Variants in PAG1 observed in about 807,000 individuals in gnomAD.
The protein encoded by PAG1 is phosphoprotein membrane anchor with glycosphingolipid microdomains 1, also known as phosphoprotein associated with glycosphingolipid-enriched microdomains 1.
Under a neutral mutation model 31.7 loss-of-function variants are expected in PAG1, and 23 were observed. The observed-to-expected ratio is 0.73, with a 90% CI of 0.52 to 1.03. The LOEUF (loss-of-function observed/expected upper bound fraction) is 1.03. PAG1 is among the 50% of genes least tolerant of loss of function. The pLI, the probability that PAG1 is intolerant of heterozygous loss-of-function variation, is 0.00. For synonymous variants in PAG1, 214 were observed against 210.3 expected (o/e 1.02, Z -0.15); for missense variants, 473 against 540.7 (o/e 0.87, Z 1.24).
chr8:80,993,144 G>T lies in PAG1; in HGVS notation c.84C>A (p.Phe28Leu). The change falls in exon 4 of 9, where the codon TTC (phenylalanine) becomes TTA (leucine). Residue 28 changes from phenylalanine to leucine, a missense_variant. By Grantham distance (22) the Phe-to-Leu change is conservative (BLOSUM62 0). Transcript: ENST00000220597. ...WGSLAAVAIFFVITFLIFLCS... is the reference protein window; with the variant it reads ...WGSLAAVAIFLVITFLIFLCS... Reference sequence around the variant, plus strand: ...ACAGGAAGATGAGGAAGGTGATGACGAAGAAAATGGCGACAGCAGCCAGAC... The same window carrying T: ...ACAGGAAGATGAGGAAGGTGATGACTAAGAAAATGGCGACAGCAGCCAGAC... 1 of 1,613,814 alleles carries T rather than the reference G, an allele frequency of 6.2e-7. No homozygotes were observed. The highest frequency in any genetic ancestry group is 1.1e-5 in the South Asian group (1 of 90,980).
In PAG1 at chr8:80,973,294, C is replaced by T. The variant is rs1020323322; in HGVS notation, c.*3250G>A. ...CTCAAATATTTTCTTTTCTATATAGCGTTTTGTTCTTGTGTAGTTATCTGC... is the reference window on the plus strand; with the variant it reads ...CTCAAATATTTTCTTTTCTATATAGTGTTTTGTTCTTGTGTAGTTATCTGC... On this transcript the variant is annotated 3_prime_UTR_variant, in exon 9 of 9. Coordinates refer to ENST00000220597, the MANE Select transcript of PAG1 (RefSeq NM_018440.4). The T allele has an allele frequency of 1.3e-5, 2 of 152,030 alleles. No individual in the cohort carries two copies. The highest frequency in any genetic ancestry group is 2.4e-5 in the African/African-American group (1 of 41,386). The allele number at this position is 152,030 out of a possible 1,614,324, so 9.4% of individuals were successfully genotyped here. A position where few individuals can be genotyped will look rare whatever the true frequency, so the allele number is the denominator to read the frequency against.
intron 3 of PAG1, among the ~76,000 whole-genome samples, chr8:81,014,305 A>T (rs1310204799): frequency 6.6e-6 from 1 of 152,206 alleles, no homozygotes; most frequent in African/African-American, 2.4e-5. Context: ...GTCTACAAAT[A>T]CTTATTACTA....
intron 2 of PAG1, among the ~76,000 whole-genome samples, chr8:81,061,614 A>T (rs909740603): frequency 6.6e-6 from 1 of 152,234 alleles, no homozygotes; most frequent in African/African-American, 2.4e-5. Context: ...CATATGGAAC[A>T]TCTAAAGAAT....
intron 2 of PAG1, among the ~76,000 whole-genome samples, chr8:81,043,418 GTCTT>G (rs1475563396): frequency 6.6e-6 from 1 of 152,134 alleles, no homozygotes; most frequent in African/African-American, 2.4e-5. Context: ...AATCGAAAGA[GTCTT>G]TCTTTCTTTG....
intron 4 of PAG1, 142 bp from the exon 5 acceptor site, chr8:80,991,672 TCAGA>T (rs1282739677): frequency 1.4e-6 from 1 of 704,316 alleles, no homozygotes; most frequent in Admixed American, 2.1e-5. Context: ...AAAGACAAAA[TCAGA>T]CAGTGATTTG....
At position 81,016,082 on chromosome 8, in the gene PAG1, A is replaced by ATCTAGCT. The variant is rs1233525039; in HGVS notation, c.-81+13913_-81+13914insAGCTAGA. 2.0e-5 allele frequency among the ~76,000 whole-genome samples: 3 copies of ATCTAGCT among 152,302 alleles called. No homozygotes were observed. The East Asian group carries it at 5.8e-4, about 29-fold the overall frequency. Reference sequence around the variant, plus strand: ...TTCCCCCAGTAGCCAGCCAATCCTCAGAAGCAGAGACATCTAGCTGACTGC... The same window carrying ATCTAGCT: ...TTCCCCCAGTAGCCAGCCAATCCTCATCTAGCTGAAGCAGAGACATCTAGCTGACTGC... On this transcript the variant is annotated intron_variant, in intron 3 of 8. Transcript: ENST00000220597.
intron 7 of PAG1, among the ~76,000 whole-genome samples, chr8:80,984,499 A>T (rs1044669520): frequency 1.3e-4 from 20 of 152,224 alleles, no homozygotes; most frequent in African/African-American, 4.8e-4. Flanking sequence ...GTGGACATCA[A>T]AATGAAGCAA....
chr8:81,012,906 T>TA (rs1808009216), intron 3 of PAG1, among the ~76,000 whole-genome samples: 3 of 152,182 alleles, frequency 2.0e-5, no homozygotes, highest in Non-Finnish European at 4.4e-5. Context: ...ATACCAGAAT[T>TA]TAAAAAATTT....
chr8:80,994,475 T>A (rs1169326755), intron 3 of PAG1, among the ~76,000 whole-genome samples: 1 of 152,200 alleles, frequency 6.6e-6, no homozygotes, highest in Non-Finnish European at 1.5e-5. Flanking sequence ...GTCACCACCC[T>A]GTGTAGGAGG....
intron 1 of PAG1, among the ~76,000 whole-genome samples, chr8:81,106,104 G>A (rs1327046866): frequency 6.6e-6 from 1 of 152,182 alleles, no homozygotes; most frequent in Non-Finnish European, 1.5e-5. Flanking sequence ...GTGCAGTGGT[G>A]TGATCTTCCT....
chr8:81,046,216 G>A (rs982505741), intron 2 of PAG1, among the ~76,000 whole-genome samples: 2 of 152,192 alleles, frequency 1.3e-5, no homozygotes, highest in Non-Finnish European at 2.9e-5. Flanking sequence ...TGACCTCTGT[G>A]CAAGGCAGTA....
intron 3 of PAG1, among the ~76,000 whole-genome samples, chr8:81,018,328 T>C (rs1399673602): frequency 6.6e-6 from 1 of 152,266 alleles, no homozygotes; most frequent in Non-Finnish European, 1.5e-5. Context: ...TGGATAGTAA[T>C]ACTTTATCAC....
intron 3 of PAG1, among the ~76,000 whole-genome samples, chr8:81,013,273 C>T (rs562461653): frequency 1.3e-5 from 2 of 152,322 alleles, no homozygotes; most frequent in South Asian, 4.1e-4. Flanking sequence ...TCATCCAAAA[C>T]CATGCCTTCA....
chr8:80,980,379 G>T lies in PAG1; in HGVS notation c.936+56C>A. ...AACATTACAGTGCATTTATTCAAGG[G>T]GGGAAGGTCTATTCTTTACTACAGT... On this transcript the variant is annotated intron_variant, in intron 8 of 8. Coordinates refer to ENST00000220597, the MANE Select transcript of PAG1 (RefSeq NM_018440.4). 9 of 914,918 alleles carry T rather than the reference G, an allele frequency of 9.8e-6. No individual in the cohort carries two copies. In the South Asian group the frequency reaches 1.2e-4, roughly 12 times the overall value. The allele number at this position is 914,918 out of a possible 1,614,324, so 56.7% of individuals were successfully genotyped here. A position where few individuals can be genotyped will look rare whatever the true frequency, so the allele number is the denominator to read the frequency against.
chr8:81,019,810 T>C (rs968613119), intron 3 of PAG1, among the ~76,000 whole-genome samples: 17 of 152,186 alleles, frequency 1.1e-4, no homozygotes, highest in African/African-American at 4.1e-4. Flanking sequence ...AGAGGGCCAC[T>C]GTCCTCCAGA....
intron 3 of PAG1, among the ~76,000 whole-genome samples, chr8:81,001,690 C>T (rs1243596940): frequency 2.0e-5 from 3 of 152,126 alleles, no homozygotes; most frequent in Admixed American, 6.5e-5. Context: ...TATTTTATTT[C>T]GTCCTCATGA....
At chr8:81,065,141 G>GCC (rs1384180769) in intron 2 of PAG1, among the ~76,000 whole-genome samples, 1 of 152,156 alleles carries the variant, frequency 6.6e-6, no homozygotes, top group Non-Finnish European at 1.5e-5. Flanking sequence ...GTCCTCCCTG[G>GCC]CCCCCTTGGT....
At chr8:81,038,817 C>T (rs1213313517) in intron 2 of PAG1, among the ~76,000 whole-genome samples, 1 of 152,140 alleles carries the variant, frequency 6.6e-6, no homozygotes, top group African/African-American at 2.4e-5. Flanking sequence ...GAGATGCTAA[C>T]ATATGTATGA....
chr8:80,998,633 C>T (rs116782178), intron 3 of PAG1, among the ~76,000 whole-genome samples: 1,685 of 151,660 alleles, frequency 0.011, 30 homozygotes, highest in African/African-American at 0.039. Flanking sequence ...AGGTGCAGAC[C>T]AAATGGCAGC....
Sources: allele counts gnomAD v4.1 joint callset (sites outside exome capture counted in the v4.1 genomes callset), GRCh38; gene constraint gnomAD v4.1.1; transcripts MANE v1.5; gene names NCBI Gene and HGNC (gene_info 2026-07-23, HGNC 2026-07-21).